PTPRK: variants seen among roughly 807,000 people sequenced by gnomAD.
The protein encoded by PTPRK is protein tyrosine phosphatase receptor type K, also known as receptor-type tyrosine-protein phosphatase kappa.
PTPRK carries 75 observed loss-of-function variants against 178.0 expected under a neutral mutation model. That is an observed-to-expected ratio of 0.42 (90% CI 0.35 to 0.51). The LOEUF (loss-of-function observed/expected upper bound fraction) is 0.51, where lower values mean the gene tolerates loss of function less well. Among genes scored for constraint, PTPRK ranks in the 20% least tolerant of loss-of-function variants. PTPRK has a pLI of 0.02. For synonymous variants in PTPRK, 637 were observed against 620.6 expected (o/e 1.03, Z -0.39); for missense variants, 1,441 against 1,797.8 (o/e 0.80, Z 3.59).
chr6:128,206,041 A>G (rs1039270335), intron 6 of PTPRK, among the ~76,000 whole-genome samples: 3 of 151,918 alleles, frequency 2.0e-5, no homozygotes, highest in Non-Finnish European at 2.9e-5. Flanking sequence ...AAAAGAAATT[A>G]TGTTATAATT....
intron 11 of PTPRK, among the ~76,000 whole-genome samples, chr6:128,068,436 T>A (rs985960043): frequency 2.6e-5 from 4 of 152,228 alleles, no homozygotes; most frequent in Non-Finnish European, 5.9e-5. Flanking sequence ...GAGTTGTTAA[T>A]AATAAAATGT....
chr6:128,240,165 A>G lies in PTPRK; in HGVS notation c.578-15T>C, dbSNP rs201606570. The G allele has an allele frequency of 1.4e-3, 2,081 of 1,461,208 alleles. 12 individuals are homozygous for G. The Middle Eastern group carries it at 0.033, about 23-fold the overall frequency. 90.5% of individuals were successfully genotyped at this position (1,461,208 alleles called of 1,614,324 possible). ...AGGAGATTTATCTGTGAAGGAAGGGAAAAAAAAATGTATTTGTTTTCACAT... is the reference window on the plus strand; with the variant it reads ...AGGAGATTTATCTGTGAAGGAAGGGGAAAAAAAATGTATTTGTTTTCACAT... On this transcript the variant is annotated splice_polypyrimidine_tract_variant and intron_variant, in intron 4 of 29. Coordinates refer to ENST00000368226, the MANE Select transcript of PTPRK (RefSeq NM_002844.4).
intron 1 of PTPRK, among the ~76,000 whole-genome samples, chr6:128,515,702 G>A (rs1397562850): frequency 6.6e-6 from 1 of 150,472 alleles, no homozygotes; most frequent in Non-Finnish European, 1.5e-5. Flanking sequence ...ACACATACAC[G>A]TGCACACACA....
chr6:128,171,684 T>A (rs1433238816), intron 7 of PTPRK, among the ~76,000 whole-genome samples: 1 of 152,012 alleles, frequency 6.6e-6, no homozygotes, highest in Non-Finnish European at 1.5e-5. Flanking sequence ...TTGATTTCTC[T>A]ATTATTTAGA....
intron 2 of PTPRK, among the ~76,000 whole-genome samples, chr6:128,326,180 G>A (rs1829533404): frequency 6.6e-6 from 1 of 152,064 alleles, no homozygotes. Flanking sequence ...GCAAGGGGAG[G>A]GAGAGCATAA....
At chr6:128,236,509 C>T (rs766403300) in intron 5 of PTPRK, among the ~76,000 whole-genome samples, 19 of 151,722 alleles carry the variant, frequency 1.3e-4, no homozygotes, top group African/African-American at 2.2e-4. Flanking sequence ...CCACCACGCC[C>T]GGCTAATTTT....
At chr6:128,489,070 C>T (rs1853388413) in intron 1 of PTPRK, among the ~76,000 whole-genome samples, 1 of 152,044 alleles carries the variant, frequency 6.6e-6, no homozygotes, top group African/African-American at 2.4e-5. Context: ...AAAAAGCATA[C>T]TTTAAAAAAT....
intron 15 of PTPRK, chr6:128,003,342 T>A: frequency 1.8e-6 from 2 of 1,091,504 alleles, no homozygotes; most frequent in Non-Finnish European, 2.6e-6. Context: ...ATTATTAAAC[T>A]TTCTCAGATT....
chr6:128,071,937 T>A (rs1782898365), intron 11 of PTPRK, among the ~76,000 whole-genome samples: 1 of 152,020 alleles, frequency 6.6e-6, no homozygotes, highest in Non-Finnish European at 1.5e-5. Flanking sequence ...AAAGATGAAA[T>A]AAGAAATAAG....
intron 2 of PTPRK, among the ~76,000 whole-genome samples, chr6:128,375,874 C>A (rs1485976151): frequency 6.6e-6 from 1 of 152,174 alleles, no homozygotes; most frequent in Non-Finnish European, 1.5e-5. Context: ...TCCAGCAGGG[C>A]AGTCAAATCT....
intron 7 of PTPRK, among the ~76,000 whole-genome samples, chr6:128,112,556 A>G (rs528224967): frequency 1.3e-5 from 2 of 152,254 alleles, no homozygotes; most frequent in Admixed American, 1.3e-4. Context: ...AGCATGTGAC[A>G]GAGGAAACAT....
In PTPRK at chr6:127,996,892, G is replaced by C; in HGVS notation, c.2767+9C>G. ...ATTTACATTCACCAAGAATTGAATG[G>C]GAACTTACATGCTATAATGTTTCCA... On this transcript the variant is annotated intron_variant, in intron 17 of 29. Coordinates refer to ENST00000368226, the MANE Select transcript of PTPRK (RefSeq NM_002844.4). 3 of 1,606,656 alleles carry C rather than the reference G, an allele frequency of 1.9e-6. No individual in the cohort carries two copies. Among genetic ancestry groups the C allele is most frequent in the Non-Finnish European group, 2.6e-6 (3 of 1,176,056 alleles).
intron 7 of PTPRK, among the ~76,000 whole-genome samples, chr6:128,137,068 T>C (rs1795122522): frequency 1.3e-5 from 2 of 152,316 alleles, no homozygotes; most frequent in South Asian, 4.1e-4. Flanking sequence ...TTGTGAGAGC[T>C]ATACTCTGCA....
intron 1 of PTPRK, among the ~76,000 whole-genome samples, chr6:128,443,789 A>T (rs1846588255): frequency 6.6e-6 from 1 of 152,176 alleles, no homozygotes; most frequent in Non-Finnish European, 1.5e-5. Flanking sequence ...GAAATAAGCA[A>T]ATAGAGATAT....
intron 7 of PTPRK, among the ~76,000 whole-genome samples, chr6:128,143,587 C>A (rs1468794345): frequency 1.3e-5 from 2 of 152,118 alleles, no homozygotes; most frequent in African/African-American, 2.4e-5. Flanking sequence ...TTGGGCATCC[C>A]TTTCACAGAG....
intron 13 of PTPRK, among the ~76,000 whole-genome samples, chr6:128,051,239 TC>T: frequency 6.6e-6 from 1 of 152,328 alleles, no homozygotes; most frequent in East Asian, 1.9e-4. Context: ...GTAGGTTTCC[TC>T]TGATAAATAA....
chr6:128,042,235 A>G (rs1247315015), intron 13 of PTPRK, among the ~76,000 whole-genome samples: 1 of 152,020 alleles, frequency 6.6e-6, no homozygotes, highest in Non-Finnish European at 1.5e-5. Flanking sequence ...GATATCAATT[A>G]CAGTAAGACC....
intron 5 of PTPRK, chr6:128,238,136 T>C (rs11970637): frequency 0.028 from 12,248 of 431,306 alleles, 885 homozygotes; most frequent in African/African-American, 0.19. Flanking sequence ...GCAATGTCCA[T>C]GTCAAAGTGG....
intron 2 of PTPRK, among the ~76,000 whole-genome samples, chr6:128,352,304 C>T (rs1833290041): frequency 6.7e-6 from 1 of 150,334 alleles, no homozygotes; most frequent in African/African-American, 2.4e-5. Context: ...CACAGAAACC[C>T]TAAAACAAAC....
Sources: allele counts gnomAD v4.1 joint callset (sites outside exome capture counted in the v4.1 genomes callset), GRCh38; gene constraint gnomAD v4.1.1; transcripts MANE v1.5; gene names NCBI Gene and HGNC (gene_info 2026-07-23, HGNC 2026-07-21).